SPPL2A: variants seen among roughly 807,000 people sequenced by gnomAD.
SPPL2A encodes signal peptide peptidase-like 2A.
In SPPL2A, 51 loss-of-function variants were observed where a neutral mutation model predicts 63.8. That is an observed-to-expected ratio of 0.80 (90% CI 0.64 to 1.01). The LOEUF is 1.01. SPPL2A is among the 50% of genes least tolerant of loss of function. The probability of loss-of-function intolerance (pLI) is 0.00; values close to 1 mark genes in which losing one functional copy is unlikely to be tolerated. For missense variants in SPPL2A, 553 were observed against 622.7 expected, an observed-to-expected ratio of 0.89 and a Z score of 1.19; for synonymous variants, 188 against 205.8, an observed-to-expected ratio of 0.91 and a Z score of 0.74.
chr15:50,735,910 A>T (rs2062767745), intron 8 of SPPL2A, among the ~76,000 whole-genome samples, 191 bp downstream of exon 8: 1 of 152,172 alleles, frequency 6.6e-6, no homozygotes, highest in South Asian at 2.1e-4. Flanking sequence ...TAAAATCATA[A>T]TTCATATTTC....
In SPPL2A at chr15:50,736,729, T is replaced by C. The variant is rs1335211547; in HGVS notation, c.745A>G (p.Ile249Val). ...GCTGATGCTATGCAGAAAATTGCTATCATAACATAAACTGAAAAAAACAAA... is the reference window on the plus strand; with the variant it reads ...GCTGATGCTATGCAGAAAATTGCTACCATAACATAAACTGAAAAAAACAAA... ...FFYKWLVYVM[I>V]AIFCIASAMS... The change falls in exon 7 of 15, where the codon ATA becomes GTA. Residue 249 changes from isoleucine to valine, a missense_variant. Coordinates refer to ENST00000261854, the MANE Select transcript of SPPL2A (RefSeq NM_032802.4). 3.1e-6 allele frequency: 5 copies of C among 1,597,602 alleles called. No individual in the cohort carries two copies. The highest frequency in any genetic ancestry group is 2.7e-5 in the African/African-American group (2 of 74,498).
intron 10 of SPPL2A, among the ~76,000 whole-genome samples, chr15:50,728,112 G>C (rs1283692433): frequency 6.6e-6 from 1 of 152,200 alleles, no homozygotes; most frequent in Non-Finnish European, 1.5e-5. Context: ...GTGAAGAGTA[G>C]TGTCAGAATG....
At chr15:50,725,091 A>T in intron 12 of SPPL2A, 130 bp downstream of exon 12, 1 of 671,186 alleles carries the variant, frequency 1.5e-6, no homozygotes, top group Non-Finnish European at 2.6e-6. Flanking sequence ...TTTTGTTATG[A>T]CAATCTCAGC....
intron 14 of SPPL2A, among the ~76,000 whole-genome samples, chr15:50,711,594 G>A (rs183735032): frequency 1.2e-3 from 183 of 152,242 alleles, no homozygotes; most frequent in East Asian, 7.7e-3. Flanking sequence ...TGAAAGACTC[G>A]AAGTAAGATC....
chr15:50,718,300 T>G (rs2062615827), intron 14 of SPPL2A, among the ~76,000 whole-genome samples: 1 of 152,082 alleles, frequency 6.6e-6, no homozygotes, highest in African/African-American at 2.4e-5. Context: ...CAAGAGGTCA[T>G]GAGAATAGGC....
chr15:50,752,709 C>A (rs2141056041), intron 1 of SPPL2A, among the ~76,000 whole-genome samples: 1 of 150,630 alleles, frequency 6.6e-6, no homozygotes, highest in African/African-American at 2.4e-5. Context: ...CAGAGCAAGA[C>A]TCCATCTGAA....
At chr15:50,754,431 T>C (rs150288566) in intron 1 of SPPL2A, among the ~76,000 whole-genome samples, 3 of 152,326 alleles carry the variant, frequency 2.0e-5, no homozygotes, top group African/African-American at 7.2e-5. Context: ...CTACTTTCTT[T>C]TTCTGATGAT....
chr15:50,705,212 G>A lies in SPPL2A; in HGVS notation c.*2588C>T, dbSNP rs139081501. The A allele has an allele frequency of 0.14, 21,033 of 151,896 alleles. 2,030 individuals carry two copies. The highest frequency in any genetic ancestry group is 0.21 in the Non-Finnish European group (14,095 of 67,978). 9.4% of individuals were successfully genotyped at this position (151,896 alleles called of 1,614,324 possible). A position where few individuals can be genotyped will look rare whatever the true frequency, so the allele number is the denominator to read the frequency against. ...AAAAATTAGCCAGGTGTGGTGGCAC[G>A]CACCTGTAATCCCGTCTACTTGGGA... On this transcript the variant is annotated 3_prime_UTR_variant, in exon 15 of 15. Coordinates refer to ENST00000261854, the MANE Select transcript of SPPL2A (RefSeq NM_032802.4).
intron 5 of SPPL2A, 71 bp downstream of exon 5, chr15:50,747,424 T>C (rs541092537): frequency 7.6e-7 from 1 of 1,311,236 alleles, no homozygotes; most frequent in South Asian, 1.3e-5. Context: ...TTAAATGTTG[T>C]TATATAATTA....
intron 14 of SPPL2A, among the ~76,000 whole-genome samples, chr15:50,716,508 T>A (rs1439395569): frequency 6.6e-6 from 1 of 152,178 alleles, no homozygotes; most frequent in African/African-American, 2.4e-5. Flanking sequence ...AAGCATATAT[T>A]TTTAATAATA....
At chr15:50,720,128 C>T in intron 13 of SPPL2A, 28 bp from the exon 14 acceptor site, 1 of 1,575,520 alleles carries the variant, frequency 6.3e-7, no homozygotes, top group Non-Finnish European at 8.6e-7. Flanking sequence ...AGCTATAAGT[C>T]ATTTCTACAT....
chr15:50,731,410 G>A (rs1265169665), intron 9 of SPPL2A, among the ~76,000 whole-genome samples: 1 of 151,966 alleles, frequency 6.6e-6, no homozygotes, highest in Non-Finnish European at 1.5e-5. Flanking sequence ...GCCGGGCATG[G>A]TGGCACGTGC....
At chr15:50,753,701 A>G (rs553712182) in intron 1 of SPPL2A, among the ~76,000 whole-genome samples, 1 of 152,358 alleles carries the variant, frequency 6.6e-6, no homozygotes, top group East Asian at 1.9e-4. Context: ...TAAAAGAAAT[A>G]CAAAAGATTA....
At position 50,747,572 on chromosome 15, in the gene SPPL2A, A is replaced by G; in HGVS notation, c.507T>C (p.Asp169=). 1 of 1,611,510 alleles carries G rather than the reference A, an allele frequency of 6.2e-7. No homozygotes were observed. The highest frequency in any genetic ancestry group is 8.5e-7 in the Non-Finnish European group (1 of 1,177,760). Residue 169 remains aspartate (D), a synonymous_variant, in exon 5 of 15, where the codon GAT becomes GAC. Transcript: ENST00000261854. ...TTACAAAAATAACCACCATAGTATA[A>G]TCAAAGTTAGGCCACGATGGAGAAT... ...KMYSPSWPNF[D]YTMVVIFVIA...
chr15:50,736,626 C>T lies in SPPL2A; in HGVS notation c.830+18G>A, dbSNP rs1337347873. 4.4e-6 allele frequency: 6 copies of T among 1,368,934 alleles called. No individual in the cohort carries two copies. Among genetic ancestry groups the T allele is most frequent in the Non-Finnish European group, 6.2e-6 (6 of 972,110 alleles). 84.8% of individuals were successfully genotyped at this position (1,368,934 alleles called of 1,614,324 possible). A position where few individuals can be genotyped will look rare whatever the true frequency, so the allele number is the denominator to read the frequency against. ...TATAAACACCAACATTATAAGATTT[C>T]CTGTAAGAGATACGTACGTGCATTG... On this transcript the variant is annotated intron_variant, in intron 7 of 14. Coordinates refer to ENST00000261854, the MANE Select transcript of SPPL2A (RefSeq NM_032802.4).
chr15:50,754,043 C>T (rs548449186), intron 1 of SPPL2A, among the ~76,000 whole-genome samples: 2 of 152,194 alleles, frequency 1.3e-5, no homozygotes, highest in African/African-American at 4.8e-5. Flanking sequence ...ACGATCCGCC[C>T]GTCTCAGCCT....
chr15:50,758,253 C>T (rs1031784654), intron 1 of SPPL2A, among the ~76,000 whole-genome samples: 1 of 147,378 alleles, frequency 6.8e-6, no homozygotes, highest in African/African-American at 2.5e-5. Flanking sequence ...GGCGTCACTG[C>T]ACTCCAGCCT....
chr15:50,758,885 C>A (rs1359454879), intron 1 of SPPL2A, among the ~76,000 whole-genome samples: 1 of 147,480 alleles, frequency 6.8e-6, no homozygotes, highest in African/African-American at 2.5e-5. Context: ...ATATAATAAG[C>A]ATATCTATCT....
chr15:50,747,501 A>T lies in SPPL2A; in HGVS notation c.578T>A (p.Val193Asp). The T allele has an allele frequency of 6.2e-7, 1 of 1,603,110 alleles. No individual in the cohort carries two copies. Among genetic ancestry groups the T allele is most frequent in the South Asian group, 1.1e-5 (1 of 88,816 alleles). The change falls in exon 5 of 15, where the codon GTT (valine) becomes GAT (aspartate). Residue 193 changes from valine (V) to aspartate (D), a missense_variant. Coordinates refer to ENST00000261854, the MANE Select transcript of SPPL2A (RefSeq NM_032802.4). Reference protein sequence around the residue: ...VALGGYWSGLVELENLKAVTT... With the variant: ...VALGGYWSGLDELENLKAVTT... ...TTAAGTTAATTAAACTTACAATTCA[A>T]CTAGTCCACTCCAGTATCCACCTAA...
Sources: gnomAD v4.1 joint callset for allele counts (sites outside exome capture counted in the v4.1 genomes callset) on GRCh38, gnomAD v4.1.1 for gene constraint, MANE v1.5 for transcripts, NCBI Gene and HGNC (gene_info 2026-07-23, HGNC 2026-07-21) for gene names.